Variants in ZC3H12B observed in about 807,000 individuals in gnomAD.
ZC3H12B encodes zinc finger CCCH-type containing 12B.
A neutral mutation model predicts 43.9 loss-of-function variants in ZC3H12B; 7 were observed. The observed-to-expected ratio is 0.16, with a 90% CI of 0.09 to 0.30. The LOEUF is 0.30. ZC3H12B is among the 10% of genes least tolerant of loss of function. The probability of loss-of-function intolerance (pLI) is 1.00; values close to 1 mark genes in which losing one functional copy is unlikely to be tolerated. For synonymous variants in ZC3H12B, 222 were observed against 241.7 expected (o/e 0.92, Z 0.76); for missense variants, 475 against 670.2 (o/e 0.71, Z 3.22).
At chrX:65,460,715 G>A (rs2067729052) in intron 3 of ZC3H12B, among the ~76,000 whole-genome samples, 2 of 111,609 alleles carry the variant, frequency 1.8e-5, no homozygotes, top group African/African-American at 3.3e-5. Flanking sequence ...AATTCAAGAT[G>A]GATTAAAGAT....
the ZC3H12B span, among the ~76,000 whole-genome samples, chrX:65,279,284 G>T: frequency 1.2e-4 from 12 of 102,462 alleles, no homozygotes; most frequent in East Asian, 3.5e-3. Flanking sequence ...CCTTCTCTCC[G>T]CAACCTTACC....
At chrX:65,279,132 A>C in the ZC3H12B span, among the ~76,000 whole-genome samples, 1 of 110,342 alleles carries the variant, frequency 9.1e-6, no homozygotes, top group Non-Finnish European at 1.9e-5. Flanking sequence ...AATGTTTTCT[A>C]TTCATCTGCA....
the ZC3H12B span, among the ~76,000 whole-genome samples, chrX:65,188,358 ATT>A: frequency 0.02 from 1,485 of 75,791 alleles, 30 homozygotes; most frequent in African/African-American, 0.067. Context: ...TGGTTGCTCT[ATT>A]TTTTTTTTTT....
chrX:65,292,428 A>T, the ZC3H12B span, among the ~76,000 whole-genome samples: 2 of 111,023 alleles, frequency 1.8e-5, no homozygotes, highest in Admixed American at 9.6e-5. Context: ...CCAAATGATG[A>T]GAACACATGG....
chrX:65,313,050 T>C, the ZC3H12B span, among the ~76,000 whole-genome samples: 2 of 110,402 alleles, frequency 1.8e-5, no homozygotes, highest in Admixed American at 1.9e-4. Flanking sequence ...CCTGGCTCAT[T>C]TTTGTATTTT....
At chrX:65,466,553 G>T (rs1057117990) in intron 3 of ZC3H12B, among the ~76,000 whole-genome samples, 1 of 109,719 alleles carries the variant, frequency 9.1e-6, no homozygotes, top group Non-Finnish European at 1.9e-5. Flanking sequence ...TTCTTTCCAA[G>T]ATACTGATTT....
intron 2 of ZC3H12B, among the ~76,000 whole-genome samples, chrX:65,396,057 T>G (rs2066692785): frequency 9.0e-6 from 1 of 111,343 alleles, no homozygotes. Context: ...TTTTATTGGG[T>G]CGATTTGATT....
the ZC3H12B span, among the ~76,000 whole-genome samples, chrX:65,114,965 A>G: frequency 4.2e-5 from 3 of 71,128 alleles, no homozygotes; most frequent in Admixed American, 3.1e-4. Flanking sequence ...AATGTTTACA[A>G]TGTATTTTTT....
chrX:65,099,077 A>C, the ZC3H12B span, among the ~76,000 whole-genome samples: 1 of 111,358 alleles, frequency 9.0e-6, no homozygotes, highest in Admixed American at 9.5e-5. Context: ...AGACTTGAGT[A>C]GGTGGCTTTG....
At chrX:65,233,767 C>CA in the ZC3H12B span, among the ~76,000 whole-genome samples, 3 of 109,897 alleles carry the variant, frequency 2.7e-5, no homozygotes, top group East Asian at 2.8e-4. Context: ...GAAATTGAGA[C>CA]AAAAAATAGG....
At chrX:65,095,291 G>A in the ZC3H12B span, among the ~76,000 whole-genome samples, 2 of 111,814 alleles carry the variant, frequency 1.8e-5, no homozygotes, top group Middle Eastern at 4.2e-3. Context: ...TGCATTCAAA[G>A]TGTAAGACAA....
At chrX:65,430,880 G>T (rs1226951189) in intron 3 of ZC3H12B, among the ~76,000 whole-genome samples, 1 of 111,003 alleles carries the variant, frequency 9.0e-6, no homozygotes, top group Non-Finnish European at 1.9e-5. Flanking sequence ...ATTCTCCATA[G>T]GTTGAGTTGT....
At chrX:65,281,661 C>T in the ZC3H12B span, among the ~76,000 whole-genome samples, 6 of 112,278 alleles carry the variant, frequency 5.3e-5, no homozygotes, top group Admixed American at 5.7e-4. Context: ...TTACGTTATA[C>T]AAAAATCAAC....
chrX:65,072,878 T>G, the ZC3H12B span, among the ~76,000 whole-genome samples: 1 of 112,500 alleles, frequency 8.9e-6, no homozygotes, highest in Non-Finnish European at 1.9e-5. Flanking sequence ...GACCCCTACT[T>G]GTTACTGTGC....
chrX:65,357,087 C>T, the ZC3H12B span: 1 of 539,097 alleles, frequency 1.9e-6, no homozygotes. Flanking sequence ...CAGTCACTGC[C>T]CACCACAAGC....
chrX:65,324,521 T>G, the ZC3H12B span, among the ~76,000 whole-genome samples: 1 of 111,968 alleles, frequency 8.9e-6, no homozygotes, highest in African/African-American at 3.2e-5. Context: ...TGTCTCAAGA[T>G]GTTTTTCAAT....
At chrX:65,254,264 C>T in the ZC3H12B span, among the ~76,000 whole-genome samples, 66 of 112,642 alleles carry the variant, frequency 5.9e-4, no homozygotes, top group Non-Finnish European at 1.1e-3. Context: ...GCTAGTATCC[C>T]GCCCCAGGTG....
At chrX:65,240,912 G>T in the ZC3H12B span, among the ~76,000 whole-genome samples, 1 of 111,673 alleles carries the variant, frequency 9.0e-6, no homozygotes, top group Non-Finnish European at 1.9e-5. Flanking sequence ...CCAGTGAAGG[G>T]TGCTTCTTTC....
the ZC3H12B span, among the ~76,000 whole-genome samples, chrX:65,309,480 G>A: frequency 2.7e-5 from 3 of 111,848 alleles, no homozygotes; most frequent in Non-Finnish European, 5.6e-5. Flanking sequence ...CCAATAACAG[G>A]CTCTGAAATT....
Sources: gnomAD v4.1 joint callset for allele counts (sites outside exome capture counted in the v4.1 genomes callset) on GRCh38, gnomAD v4.1.1 for gene constraint, MANE v1.5 for transcripts, NCBI Gene and HGNC (gene_info 2026-07-23, HGNC 2026-07-21) for gene names.